ARID3A: variants seen among roughly 807,000 people sequenced by gnomAD.
ARID3A encodes the protein AT-rich interactive domain-containing protein 3A.
In ARID3A, 11 loss-of-function variants were observed where a neutral mutation model predicts 52.7. The observed-to-expected ratio is 0.21, with a 90% confidence interval of 0.13 to 0.35. The LOEUF is 0.35. Ranked by LOEUF, ARID3A falls within the 10% of genes least tolerant of loss-of-function variation. The pLI, the probability that ARID3A is intolerant of heterozygous loss-of-function variation, is 1.00. For missense variants in ARID3A, 721 were observed against 838.5 expected (o/e 0.86, Z 1.73); for synonymous variants, 404 against 359.4 (o/e 1.12, Z -1.40).
intron 3 of ARID3A, among the ~76,000 whole-genome samples, chr19:948,938 A>G (rs900977801): frequency 1.3e-5 from 2 of 151,758 alleles, no homozygotes; most frequent in Non-Finnish European, 2.9e-5. Context: ...CAAACTCCTG[A>G]CCTCAGGTGA....
chr19:958,631 C>T (rs572397277), intron 3 of ARID3A, among the ~76,000 whole-genome samples: 2 of 151,892 alleles, frequency 1.3e-5, no homozygotes, highest in African/African-American at 4.8e-5. Flanking sequence ...TAGTGGCTCA[C>T]GCCTGTAATC....
chr19:974,967 A>AG lies in ARID3A; in HGVS notation c.*2905dup, dbSNP rs981199112. 3.2e-4 allele frequency: 74 copies of AG among 231,092 alleles called. No homozygotes were observed. Among genetic ancestry groups the AG allele is most frequent in the African/African-American group, 1.3e-3 (58 of 45,232 alleles). 14.3% of individuals were successfully genotyped at this position (231,092 alleles called of 1,614,324 possible). On this transcript the variant is annotated 3_prime_UTR_variant, in exon 9 of 9. Coordinates refer to ENST00000263620, the MANE Select transcript of ARID3A (RefSeq NM_005224.3). Reference sequence around the variant, plus strand: ...CCGTGGAAATGGGAGGCGGTTGCAGAGGGTCTATGGGGCCCGGTCCTGGAT... The same window carrying AG: ...CCGTGGAAATGGGAGGCGGTTGCAGAGGGGTCTATGGGGCCCGGTCCTGGAT...
rs1035456452 is a variant in ARID3A at position 975,091 on chromosome 19, G to T, written c.*3026G>T. ...TCTCCTGCCACCGCCTGTCGGTGGGGGTTTAAATTCGGTGTGGCTTTCTGG... is the reference window on the plus strand; with the variant it reads ...TCTCCTGCCACCGCCTGTCGGTGGGTGTTTAAATTCGGTGTGGCTTTCTGG... On this transcript the variant is annotated 3_prime_UTR_variant, in exon 9 of 9. Coordinates refer to ENST00000263620, the MANE Select transcript of ARID3A (RefSeq NM_005224.3). The T allele has an allele frequency of 2.2e-5, 5 of 231,796 alleles. No individual in the cohort carries two copies. The highest frequency in any genetic ancestry group is 1.1e-4 in the Admixed American group (2 of 17,740). The allele number at this position is 231,796 out of a possible 1,614,324, so 14.4% of individuals were successfully genotyped here. A position where few individuals can be genotyped will look rare whatever the true frequency, so the allele number is the denominator to read the frequency against.
intron 3 of ARID3A, among the ~76,000 whole-genome samples, chr19:958,344 C>T (rs1430607424): frequency 4.3e-5 from 6 of 140,508 alleles, no homozygotes; most frequent in African/African-American, 1.7e-4. Context: ...AGGAGAATGG[C>T]GTGAACCCGG....
chr19:962,226 G>T (rs531237470), intron 4 of ARID3A, among the ~76,000 whole-genome samples: 93 of 152,218 alleles, frequency 6.1e-4, no homozygotes, highest in Non-Finnish European at 7.6e-4. Flanking sequence ...CAGACAGAGA[G>T]AAATAATTTT....
At chr19:939,505 C>T (rs2037502600) in intron 3 of ARID3A, among the ~76,000 whole-genome samples, 1 of 152,174 alleles carries the variant, frequency 6.6e-6, no homozygotes, top group Admixed American at 6.5e-5. Context: ...AGCCCCGAGT[C>T]CCTCCCTTGA....
chr19:926,939 G>T (rs2037212902), intron 1 of ARID3A, among the ~76,000 whole-genome samples: 1 of 151,940 alleles, frequency 6.6e-6, no homozygotes, highest in Non-Finnish European at 1.5e-5. Flanking sequence ...CCGGACCAGG[G>T]TTTCTGTCTT....
At chr19:930,654 C>T (rs544326938) in intron 2 of ARID3A, among the ~76,000 whole-genome samples, 8 of 150,712 alleles carry the variant, frequency 5.3e-5, no homozygotes, top group East Asian at 4.1e-4. Flanking sequence ...GGACTACAGG[C>T]GCCCGCCACC....
chr19:964,534 G>T lies in ARID3A; in HGVS notation c.950+103G>T. The stretch of plus-strand genomic sequence containing the variant: ...GGGGGTGGTGGGCAGCTGCAGAGGA[G>T]GGGGCAGTGGGCAGCCGCAAAGGGC... On this transcript the variant is annotated intron_variant, in intron 5 of 8. Coordinates refer to ENST00000263620, the MANE Select transcript of ARID3A (RefSeq NM_005224.3). This position sits in a 1 kb window ranked among gnomAD's most constrained non-coding sequence, Gnocchi z 5.7. 1 of 1,411,770 alleles carries T rather than the reference G, an allele frequency of 7.1e-7. No homozygotes were observed. Among genetic ancestry groups the T allele is most frequent in the South Asian group, 1.4e-5 (1 of 71,856 alleles). 87.5% of individuals were successfully genotyped at this position (1,411,770 alleles called of 1,614,324 possible). A position where few individuals can be genotyped will look rare whatever the true frequency, so the allele number is the denominator to read the frequency against.
rs987067160 is a variant in ARID3A at position 938,779 on chromosome 19, C to T, written c.693+6037C>T. On this transcript the variant is annotated intron_variant, in intron 3 of 8. Transcript: ENST00000263620. The surrounding 1 kb of genome is among the most constrained non-coding windows in gnomAD (Gnocchi z 4.0). ...GGCCCAGCCCCAGAGACCGCTGGGT[C>T]CTCACCACGGTGCCTGCCAGGCAGC... Among the ~76,000 whole-genome samples, 2 of 152,116 alleles carry T rather than the reference C, an allele frequency of 1.3e-5. No homozygotes were observed. Among genetic ancestry groups the T allele is most frequent in the Non-Finnish European group, 2.9e-5 (2 of 68,020 alleles).
chr19:955,171 G>A (rs544919518), intron 3 of ARID3A, among the ~76,000 whole-genome samples: 1 of 152,076 alleles, frequency 6.6e-6, no homozygotes, highest in Non-Finnish European at 1.5e-5. Flanking sequence ...TGGCCCACAA[G>A]GGGGGCCTGG....
intron 3 of ARID3A, among the ~76,000 whole-genome samples, chr19:957,707 G>C (rs948876232): frequency 6.6e-6 from 1 of 152,178 alleles, no homozygotes; most frequent in African/African-American, 2.4e-5. Flanking sequence ...AGCCGGGTGT[G>C]ATGGCGAGTG....
intron 3 of ARID3A, among the ~76,000 whole-genome samples, chr19:953,485 G>C (rs975343132): frequency 4.1e-5 from 6 of 145,450 alleles, no homozygotes; most frequent in African/African-American, 1.5e-4. Flanking sequence ...ACCCCCCCCC[G>C]TGCAGAGCCG....
intron 8 of ARID3A, among the ~76,000 whole-genome samples, chr19:970,091 G>A (rs1014332462): frequency 6.6e-6 from 1 of 151,988 alleles, no homozygotes; most frequent in Non-Finnish European, 1.5e-5. Context: ...GATGTGGGTG[G>A]GTCACAAGGT....
chr19:927,289 TG>T (rs1274132542), intron 1 of ARID3A, among the ~76,000 whole-genome samples: 1 of 103,714 alleles, frequency 9.6e-6, no homozygotes, highest in Admixed American at 8.7e-5. Context: ...AAAATGGGGG[TG>T]GGGGTCGAGG....
At chr19:945,408 C>T (rs1222675419) in intron 3 of ARID3A, among the ~76,000 whole-genome samples, 2 of 151,830 alleles carry the variant, frequency 1.3e-5, no homozygotes, top group African/African-American at 4.8e-5. Context: ...CCCAGCCCAC[C>T]TCCGTCTGCT....
Position 971,891 on chromosome 19 carries a change from T to C in ARID3A, c.1608T>C (p.Ala536=). The change falls in exon 9 of 9, where the codon GCT becomes GCC. Residue 536 remains alanine, a synonymous_variant. Transcript: ENST00000263620. ...TTCTTGCCTTAGGAGTTCTGTTTGC[T>C]CAGCCGCCGGCCCCCACGCCAACCT... is the stretch of plus-strand genomic sequence containing the variant. The part of the protein sequence containing the change: ...NGIMYTGVLF[A]QPPAPTPTSA... The C allele has an allele frequency of 6.2e-7, 1 of 1,602,364 alleles. No homozygotes were observed. The highest frequency in any genetic ancestry group is 8.5e-7 in the Non-Finnish European group (1 of 1,174,648).
At chr19:963,511 A>T (rs2145449930) in intron 4 of ARID3A, among the ~76,000 whole-genome samples, 1 of 152,240 alleles carries the variant, frequency 6.6e-6, no homozygotes, top group South Asian at 2.1e-4. Context: ...GCAGCCTGGG[A>T]GAGCCCTGGA....
intron 8 of ARID3A, among the ~76,000 whole-genome samples, chr19:969,631 C>G (rs1599430561): frequency 6.7e-6 from 1 of 149,842 alleles, no homozygotes; most frequent in Non-Finnish European, 1.5e-5. Context: ...TTATATGTAT[C>G]TATAAATACA....
Sources: allele counts gnomAD v4.1 joint callset (sites outside exome capture counted in the v4.1 genomes callset), GRCh38; gene constraint gnomAD v4.1.1; non-coding constraint Gnocchi (gnomAD v3.1); transcripts MANE v1.5; gene names NCBI Gene and HGNC (gene_info 2026-07-23, HGNC 2026-07-21).